Variants in MALRD1 observed in about 807,000 individuals in gnomAD.
MALRD1 encodes the protein MAM and LDL-receptor class A domain-containing protein 1.
In MALRD1, 247 loss-of-function variants were observed where a neutral mutation model predicts 242.1. That is an observed-to-expected ratio of 1.02 (90% CI 0.92 to 1.13). MALRD1 has a LOEUF of 1.13. MALRD1 is among the 50% of genes most tolerant of loss of function. The pLI, the probability that MALRD1 is intolerant of heterozygous loss-of-function variation, is 0.00. For missense variants in MALRD1, 2,989 were observed against 2,533.1 expected (o/e 1.18, Z -3.86); for synonymous variants, 995 against 866.6 (o/e 1.15, Z -2.60).
chr10:19,725,092 A>G (rs1564571760), intron 38 of MALRD1: 1 of 152,198 alleles, frequency 6.6e-6, no homozygotes, highest in African/African-American at 2.4e-5. Context: ...AACTAAATGG[A>G]ATGACACACT....
At chr10:19,150,546 C>T (rs925729924) in intron 11 of MALRD1, among the ~76,000 whole-genome samples, 2 of 152,182 alleles carry the variant, frequency 1.3e-5, no homozygotes, top group African/African-American at 4.8e-5. Context: ...GACTACCACA[C>T]TCCTGTGTTT....
chr10:19,584,210 G>A (rs1445696075), intron 33 of MALRD1, among the ~76,000 whole-genome samples: 1 of 151,784 alleles, frequency 6.6e-6, no homozygotes, highest in East Asian at 1.9e-4. Flanking sequence ...AGGGTTTTTT[G>A]TGTCTCTATT....
rs1284037132 is a variant in MALRD1 at position 19,179,634 on chromosome 10, A to T, written c.1951+4306A>T. 6.6e-5 allele frequency among the ~76,000 whole-genome samples: 10 copies of T among 152,170 alleles called. No individual in the cohort carries two copies. In the South Asian group the frequency reaches 8.3e-4, roughly 13 times the overall value. On this transcript the variant is annotated intron_variant, in intron 14 of 39. Transcript: ENST00000454679. ...CCCTGTCTGCCACCCCCCCATAAAAAAGAGGGTAGATCTTATATTTTCTTA... is the reference window on the plus strand; with the variant it reads ...CCCTGTCTGCCACCCCCCCATAAAATAGAGGGTAGATCTTATATTTTCTTA...
chr10:19,545,032 A>G (rs891877833), intron 32 of MALRD1, among the ~76,000 whole-genome samples: 3 of 152,168 alleles, frequency 2.0e-5, no homozygotes, highest in Non-Finnish European at 2.9e-5. Context: ...CCTTATAATC[A>G]TGGAGGCTGG....
At position 19,347,243 on chromosome 10, in the gene MALRD1, T is replaced by C. The variant is rs546854112; in HGVS notation, c.3902-528T>C. Among the ~76,000 whole-genome samples, 3 of 152,284 alleles carry C rather than the reference T, an allele frequency of 2.0e-5. No homozygotes were observed. In the South Asian group the frequency reaches 6.2e-4, roughly 32 times the overall value. On this transcript the variant is annotated intron_variant, in intron 24 of 39. Coordinates refer to ENST00000454679, the MANE Select transcript of MALRD1 (RefSeq NM_001142308.3). ...GTGGTATTTAATGCAACTTAACCTATTTAATTTCTGCAACTTATTTCAATA... is the reference window on the plus strand; with the variant it reads ...GTGGTATTTAATGCAACTTAACCTACTTAATTTCTGCAACTTATTTCAATA...
At chr10:19,645,037 A>G (rs897430203) in intron 36 of MALRD1, among the ~76,000 whole-genome samples, 4 of 152,216 alleles carry the variant, frequency 2.6e-5, no homozygotes, top group African/African-American at 9.6e-5. Context: ...ATTCAAATTC[A>G]AAGACATTAT....
rs561333797 is a variant in MALRD1, at chr10:19,730,680, T to A, written c.6315-26T>A. ...TATGGTAAATGTCAATAGTTTTTTA[T>A]TTTTGATGGCCCTGTGTGCTTTAAG... On this transcript the variant is annotated intron_variant, in intron 38 of 39. Transcript: ENST00000454679. 2.0e-6 allele frequency: 3 copies of A among 1,534,950 alleles called. No individual in the cohort carries two copies. In the South Asian group the frequency reaches 3.6e-5, roughly 18 times the overall value.
intron 36 of MALRD1, among the ~76,000 whole-genome samples, chr10:19,628,093 C>G (rs1234288961): frequency 1.3e-5 from 2 of 151,988 alleles, no homozygotes; most frequent in Non-Finnish European, 2.9e-5. Flanking sequence ...TCGTTGATAT[C>G]CTGTTTTTAC....
intron 36 of MALRD1, among the ~76,000 whole-genome samples, chr10:19,624,878 G>GAAAAAAA (rs145042762): frequency 8.3e-6 from 1 of 119,948 alleles, no homozygotes; most frequent in Non-Finnish European, 1.7e-5. Flanking sequence ...CTCAAAAAAG[G>GAAAAAAA]AAAAAAAAAA....
chr10:19,522,760 C>A (rs1344079706), intron 31 of MALRD1, among the ~76,000 whole-genome samples: 4 of 151,990 alleles, frequency 2.6e-5, no homozygotes, highest in African/African-American at 9.7e-5. Flanking sequence ...AGAAATTTTC[C>A]CAAAGTCACA....
intron 26 of MALRD1, among the ~76,000 whole-genome samples, chr10:19,366,356 G>A (rs910431454): frequency 5.9e-5 from 9 of 152,006 alleles, no homozygotes; most frequent in East Asian, 3.9e-4. Flanking sequence ...AGAAGCTAGC[G>A]CTGCTGATGA....
chr10:19,198,259 A>C (rs972610538), intron 14 of MALRD1, among the ~76,000 whole-genome samples: 1 of 152,170 alleles, frequency 6.6e-6, no homozygotes. Flanking sequence ...AGATGACTTT[A>C]TTACTAATGG....
In MALRD1 at chr10:19,128,240, C is replaced by A; in HGVS notation, c.963C>A (p.Gly321=). Residue 321 remains glycine, a synonymous_variant, in exon 8 of 40, where the codon GGC becomes GGA. Coordinates refer to ENST00000454679, the MANE Select transcript of MALRD1 (RefSeq NM_001142308.3). The stretch of plus-strand genomic sequence containing the variant: ...TTTCAGGTTATTATGTATGGGTAGG[C>A]GCTAAGCATGGTTTCACTCTTAACC... The part of the protein sequence containing the change: ...GDDEGYYVWV[G]AKHGFTLNHL... The A allele has an allele frequency of 1.6e-6, 2 of 1,233,368 alleles. No individual in the cohort carries two copies. The highest frequency in any genetic ancestry group is 1.0e-6 in the Non-Finnish European group (1 of 987,808). The allele number at this position is 1,233,368 out of a possible 1,614,324, so 76.4% of individuals were successfully genotyped here. A position where few individuals can be genotyped will look rare whatever the true frequency, so the allele number is the denominator to read the frequency against.
intron 39 of MALRD1, among the ~76,000 whole-genome samples, chr10:19,733,486 C>G (rs1835374183): frequency 6.6e-6 from 1 of 152,024 alleles, no homozygotes; most frequent in South Asian, 2.1e-4. Flanking sequence ...TCATCCTACC[C>G]CAATTGTCTC....
rs56931838 is a variant in MALRD1, at chr10:19,334,119, G to GTTTT, written c.3901+2557_3901+2560dup. Among the ~76,000 whole-genome samples the GTTTT allele has an allele frequency of 2.9e-3, 195 of 66,768 alleles. 9 individuals are homozygous for GTTTT. The highest frequency in any genetic ancestry group is 5.4e-3 in the African/African-American group (89 of 16,478). The allele number at this position is 66,768 out of a possible 152,430, so 43.8% of individuals were successfully genotyped here. ...GGTTGTCTGTTTACTCTGTTGGTAG[G>GTTTT]TTTTTTTTTTTTTTTTTTTTTTTCT... On this transcript the variant is annotated intron_variant, in intron 24 of 39. Coordinates refer to ENST00000454679, the MANE Select transcript of MALRD1 (RefSeq NM_001142308.3).
intron 36 of MALRD1, among the ~76,000 whole-genome samples, chr10:19,657,545 A>AT (rs34870768): frequency 0.15 from 23,049 of 150,580 alleles, 3,094 homozygotes; most frequent in African/African-American, 0.37. Flanking sequence ...TTTTCTTAAC[A>AT]TTTTTTTTTA....
At chr10:19,195,369 C>A (rs189415484) in intron 14 of MALRD1, among the ~76,000 whole-genome samples, 1 of 152,076 alleles carries the variant, frequency 6.6e-6, no homozygotes, top group Non-Finnish European at 1.5e-5. Context: ...CTGGCTCTGA[C>A]GTCTAGACCT....
chr10:19,593,690 C>T (rs2131554128), intron 33 of MALRD1, among the ~76,000 whole-genome samples: 1 of 152,244 alleles, frequency 6.6e-6, no homozygotes, highest in South Asian at 2.1e-4. Context: ...CCTTTAGAAA[C>T]ATGAGATAGT....
At chr10:19,173,157 A>G (rs1835084020) in intron 13 of MALRD1, among the ~76,000 whole-genome samples, 1 of 152,036 alleles carries the variant, frequency 6.6e-6, no homozygotes, top group African/African-American at 2.4e-5. Flanking sequence ...TATTTACTTA[A>G]TATGTATAAA....
Sources: allele counts gnomAD v4.1 joint callset (sites outside exome capture counted in the v4.1 genomes callset), GRCh38; gene constraint gnomAD v4.1.1; transcripts MANE v1.5; gene names NCBI Gene and HGNC (gene_info 2026-07-23, HGNC 2026-07-21).